Variants in SYTL3 observed in about 807,000 individuals in gnomAD.
The protein encoded by SYTL3 is synaptotagmin like 3, also known as synaptotagmin-like protein 3.
A neutral mutation model predicts 82.1 loss-of-function variants in SYTL3; 88 were observed. That is an observed-to-expected ratio of 1.07 (90% confidence interval 0.90 to 1.28). The LOEUF is 1.28. Ranked by LOEUF, SYTL3 falls within the 50% of genes most tolerant of loss-of-function variation. The pLI is 0.00. For synonymous variants in SYTL3, 311 were observed against 289.4 expected (o/e 1.07, Z -0.76); for missense variants, 831 against 757.6 (o/e 1.10, Z -1.14).
chr6:158,671,913 C>G (rs1777426394), intron 5 of SYTL3, among the ~76,000 whole-genome samples: 1 of 152,076 alleles, frequency 6.6e-6, no homozygotes, highest in South Asian at 2.1e-4. Context: ...CATTTTATAA[C>G]TGATTCAAGT....
At chr6:158,724,455 A>T (rs1784472113) in intron 10 of SYTL3, among the ~76,000 whole-genome samples, 1 of 152,056 alleles carries the variant, frequency 6.6e-6, no homozygotes, top group South Asian at 2.1e-4. Context: ...CCAAAAACTA[A>T]AGTCTCCACT....
At chr6:158,762,367 A>T (rs186602926) in intron 16 of SYTL3, among the ~76,000 whole-genome samples, 189 bp downstream of exon 16, 2 of 152,254 alleles carry the variant, frequency 1.3e-5, no homozygotes, top group East Asian at 3.9e-4. Flanking sequence ...TACATGCTGG[A>T]GTACTCGAAA....
chr6:158,689,037 C>T (rs551049848), intron 6 of SYTL3, among the ~76,000 whole-genome samples: 27 of 152,282 alleles, frequency 1.8e-4, no homozygotes, highest in African/African-American at 6.0e-4. Flanking sequence ...TATCTCACCC[C>T]GTCATAGGAA....
chr6:158,754,987 T>C (rs1488235458), intron 13 of SYTL3, among the ~76,000 whole-genome samples: 1 of 152,022 alleles, frequency 6.6e-6, no homozygotes, highest in African/African-American at 2.4e-5. Flanking sequence ...AGCTGGAATA[T>C]GGGGAATAAT....
At chr6:158,693,583 C>T (rs886494251) in intron 6 of SYTL3, among the ~76,000 whole-genome samples, 7 of 152,190 alleles carry the variant, frequency 4.6e-5, no homozygotes, top group African/African-American at 1.7e-4. Flanking sequence ...TGGGGTTTCA[C>T]CATGTTGGCC....
At chr6:158,712,129 G>A (rs1782826911) in intron 8 of SYTL3, among the ~76,000 whole-genome samples, 2 of 152,150 alleles carry the variant, frequency 1.3e-5, no homozygotes, top group South Asian at 4.1e-4. Context: ...GGAGCCTCTG[G>A]TCTAAGTCCT....
At position 158,763,251 on chromosome 6, in the gene SYTL3, G is replaced by C. The variant is rs572950118; in HGVS notation, c.1518-53G>C. 10 of 1,555,688 alleles carry C rather than the reference G, an allele frequency of 6.4e-6. No homozygotes were observed. The African/African-American group carries it at 9.5e-5, about 15-fold the overall frequency. On this transcript the variant is annotated intron_variant, in intron 16 of 17. Coordinates refer to ENST00000611299, the MANE Select transcript of SYTL3 (RefSeq NM_001242394.2). ...GTCTGCACTGACGCACAGGCCTCAG[G>C]AGAGAAGGCCGTGTGGATGGCAATG...
chr6:158,668,159 C>T (rs1252647619), intron 5 of SYTL3, among the ~76,000 whole-genome samples: 2 of 152,246 alleles, frequency 1.3e-5, no homozygotes, highest in Admixed American at 6.5e-5. Context: ...CCCCGGCCCC[C>T]AGGCCTCCTT....
intron 11 of SYTL3, among the ~76,000 whole-genome samples, chr6:158,737,039 C>CAAAAAAAAAAA (rs201499466): frequency 8.8e-6 from 1 of 113,842 alleles, no homozygotes; most frequent in African/African-American, 3.1e-5. Context: ...CATTTCATGG[C>CAAAAAAAAAAA]AAAAAAAAAA....
chr6:158,691,487 T>G (rs144457388), intron 6 of SYTL3, among the ~76,000 whole-genome samples: 1 of 152,294 alleles, frequency 6.6e-6, no homozygotes, highest in African/African-American at 2.4e-5. Context: ...TGAAAATTCA[T>G]CTCTCCTCTT....
chr6:158,663,649 C>T, intron 4 of SYTL3: 1 of 972,754 alleles, frequency 1.0e-6, no homozygotes, highest in Non-Finnish European at 1.2e-6. Context: ...CTGCCATCTG[C>T]TTGTCTGTTT....
chr6:158,709,926 T>G (rs2128458603), intron 8 of SYTL3, among the ~76,000 whole-genome samples: 1 of 152,190 alleles, frequency 6.6e-6, no homozygotes, highest in Admixed American at 6.5e-5. Context: ...GCTCAGCTAC[T>G]CAGGAGGCTG....
chr6:158,691,508 C>T (rs1273978939), intron 6 of SYTL3, among the ~76,000 whole-genome samples: 1 of 152,170 alleles, frequency 6.6e-6, no homozygotes, highest in Non-Finnish European at 1.5e-5. Context: ...TTGGCATCTG[C>T]TAAGCGTATA....
intron 5 of SYTL3, among the ~76,000 whole-genome samples, chr6:158,672,465 C>G (rs1200559288): frequency 6.6e-6 from 1 of 151,926 alleles, no homozygotes; most frequent in Non-Finnish European, 1.5e-5. Flanking sequence ...TGGAATTTAA[C>G]ATTATGGAGA....
chr6:158,760,860 T>C (rs1789823521), intron 15 of SYTL3, 115 bp downstream of exon 15: 1 of 770,938 alleles, frequency 1.3e-6, no homozygotes, highest in African/African-American at 1.7e-5. Flanking sequence ...TACGTCCCCG[T>C]GCCCAGCTCC....
intron 11 of SYTL3, chr6:158,726,572 AG>A: frequency 4.7e-6 from 1 of 212,268 alleles, no homozygotes; most frequent in South Asian, 9.6e-5. Flanking sequence ...TCTTTCTGTA[AG>A]GGCCACTGAA....
At chr6:158,680,078 G>A (rs1778490806) in intron 5 of SYTL3, among the ~76,000 whole-genome samples, 1 of 152,162 alleles carries the variant, frequency 6.6e-6, no homozygotes, top group South Asian at 2.1e-4. Flanking sequence ...TGTAATTCCT[G>A]CCCTTTGGAT....
chr6:158,718,947 C>G (rs961761740), intron 10 of SYTL3, among the ~76,000 whole-genome samples: 9 of 152,190 alleles, frequency 5.9e-5, no homozygotes, highest in African/African-American at 1.9e-4. Flanking sequence ...CCCAGACAGA[C>G]TGTCCTTTAG....
intron 8 of SYTL3, among the ~76,000 whole-genome samples, chr6:158,709,992 G>A (rs888084050): frequency 5.9e-5 from 9 of 152,024 alleles, no homozygotes; most frequent in Admixed American, 1.3e-4. Flanking sequence ...CCATGATTGC[G>A]CCAATGCGTT....
Sources: allele counts gnomAD v4.1 joint callset (sites outside exome capture counted in the v4.1 genomes callset), GRCh38; gene constraint gnomAD v4.1.1; transcripts MANE v1.5; gene names NCBI Gene and HGNC (gene_info 2026-07-23, HGNC 2026-07-21).